Variants in NQO2 observed in about 807,000 individuals in gnomAD.
NQO2 encodes N-ribosyldihydronicotinamide:quinone dehydrogenase 2.
In NQO2, 18 loss-of-function variants were observed where a neutral mutation model predicts 22.0. The observed-to-expected ratio is 0.82, with a 90% CI of 0.56 to 1.21. NQO2 has a LOEUF of 1.21. NQO2 is among the 50% of genes most tolerant of loss of function. NQO2 has a pLI of 0.00. For synonymous variants in NQO2, 106 were observed against 110.8 expected, an observed-to-expected ratio of 0.96 and a Z score of 0.28; for missense variants, 267 against 286.9, an observed-to-expected ratio of 0.93 and a Z score of 0.50.
rs1197296937 is a variant in NQO2 at position 3,015,570 on chromosome 6, G to T, written c.344G>T (p.Gly115Val). The T allele has an allele frequency of 6.2e-7, 1 of 1,614,162 alleles. No homozygotes were observed. Among genetic ancestry groups the T allele is most frequent in the Admixed American group, 1.7e-5 (1 of 60,030 alleles). Residue 115 changes from glycine to valine, a missense_variant, in exon 5 of 7, where the codon GGC becomes GTC. Coordinates refer to ENST00000380455, the MANE Select transcript of NQO2 (RefSeq NM_000904.6). Reference sequence around the variant, plus strand: ...TTCAGCGTGCCAGCCATCCTGAAGGGCTGGATGGATAGGGTGCTGTGCCAG... The same window carrying T: ...TTCAGCGTGCCAGCCATCCTGAAGGTCTGGATGGATAGGGTGCTGTGCCAG... ...YWFSVPAILK[G>V]WMDRVLCQGF...
rs772744431 is a variant in NQO2, at chr6:3,006,465, C to T, written c.-85-3C>T. 95 of 1,604,924 alleles carry T rather than the reference C, an allele frequency of 5.9e-5. No individual in the cohort carries two copies. The highest frequency in any genetic ancestry group is 7.7e-5 in the Non-Finnish European group (91 of 1,176,222). On this transcript the variant is annotated splice_region_variant and splice_polypyrimidine_tract_variant and intron_variant, in intron 1 of 6. Coordinates refer to ENST00000380455, the MANE Select transcript of NQO2 (RefSeq NM_000904.6). This position sits in a 1 kb window ranked among gnomAD's most constrained non-coding sequence, Gnocchi z 4.0. ...CCCCCTCTGGGTTCGTTTTGTCTTC[C>T]AGATTGCTGGACTCGCTGAAGAGAG...
intron 6 of NQO2, among the ~76,000 whole-genome samples, chr6:3,019,109 T>C (rs899517668): frequency 2.0e-5 from 3 of 152,184 alleles, no homozygotes; most frequent in Non-Finnish European, 4.4e-5. Context: ...TGAACAAACT[T>C]CCATGGTATA....
intron 1 of NQO2, chr6:3,002,350 C>T (rs1008643126): frequency 1.6e-5 from 10 of 611,958 alleles, no homozygotes; most frequent in African/African-American, 4.0e-5. Flanking sequence ...GCTCTGTTGC[C>T]CAGGCTGGAG....
chr6:3,016,781 G>T lies in NQO2; in HGVS notation c.418-103G>T. 5 of 1,527,446 alleles carry T rather than the reference G, an allele frequency of 3.3e-6. No individual in the cohort carries two copies. The South Asian group carries it at 6.1e-5, about 19-fold the overall frequency. 94.6% of individuals were successfully genotyped at this position (1,527,446 alleles called of 1,614,324 possible). ...GTCCATCCCTGGAGGGTGTCCACAC[G>T]CATGTTCCCTGCTGGCTGTGCTGAG... is the stretch of plus-strand genomic sequence containing the variant. On this transcript the variant is annotated intron_variant, in intron 5 of 6. Transcript: ENST00000380455.
intron 3 of NQO2, among the ~76,000 whole-genome samples, chr6:3,011,953 A>G (rs1416622971): frequency 6.6e-6 from 1 of 152,260 alleles, no homozygotes; most frequent in African/African-American, 2.4e-5. Context: ...AAAGAAAAAC[A>G]CTAATGTGCA....
rs747351450 is a variant in NQO2, at chr6:3,012,649, G to A, written c.278G>A (p.Arg93Gln). The stretch of plus-strand genomic sequence containing the variant: ...ATCACTGATGAGCAGAAAAAGGTTC[G>A]GGAGGCTGACCTAGTGATATTTCAG... ...SDITDEQKKV[R>Q]EADLVIFQFP... is the part of the protein sequence containing the mutation. The change falls in exon 4 of 7, where the codon CGG becomes CAG. Residue 93 changes from arginine to glutamine, a missense_variant. Transcript: ENST00000380455. 31 of 1,613,736 alleles carry A rather than the reference G, an allele frequency of 1.9e-5. No homozygotes were observed. The highest frequency in any genetic ancestry group is 1.6e-4 in the Middle Eastern group (1 of 6,084).
At chr6:3,000,698 C>T (rs570290687) in intron 1 of NQO2, among the ~76,000 whole-genome samples, 1 of 151,926 alleles carries the variant, frequency 6.6e-6, no homozygotes, top group Non-Finnish European at 1.5e-5. Context: ...CGTGCCACCA[C>T]GCCTGGCTAA....
intron 1 of NQO2, chr6:3,004,499 C>T: frequency 1.0e-6 from 1 of 985,946 alleles, no homozygotes; most frequent in Non-Finnish European, 1.2e-6. Context: ...CCACAGGGCA[C>T]CTGGCCTGGG....
intron 4 of NQO2, chr6:3,015,112 A>AT: frequency 7.7e-7 from 1 of 1,294,522 alleles, no homozygotes; most frequent in Non-Finnish European, 1.0e-6. Context: ...AAATCCATAG[A>AT]TGCTCAGCAC....
Position 3,012,440 on chromosome 6 carries a change from T to C in NQO2, c.173-104T>C, listed in dbSNP as rs1366464851. ...TCTGGTCAGGTTGCAGCAAATGTCT[T>C]TGACTTGTCTGAGGAGTCCGGTATA... On this transcript the variant is annotated intron_variant, in intron 3 of 6. Transcript: ENST00000380455. 3.3e-6 allele frequency: 5 copies of C among 1,515,824 alleles called. No homozygotes were observed. In the African/African-American group the frequency reaches 5.6e-5, roughly 17 times the overall value. The allele number at this position is 1,515,824 out of a possible 1,614,324, so 93.9% of individuals were successfully genotyped here.
chr6:3,005,442 G>A (rs572954898), intron 1 of NQO2, among the ~76,000 whole-genome samples: 71 of 152,250 alleles, frequency 4.7e-4, no homozygotes, highest in Non-Finnish European at 8.8e-4. Context: ...ATTCTAATGC[G>A]TGTGATATGG....
chr6:3,006,600 G>C lies in NQO2; in HGVS notation c.7+41G>C. On this transcript the variant is annotated intron_variant, in intron 2 of 6. Transcript: ENST00000380455. The surrounding 1 kb of genome is among the most constrained non-coding windows in gnomAD (Gnocchi z 4.0). Reference sequence around the variant, plus strand: ...TGTGGAGTAAGACTTTTTTTTTTTTGAGATGGGATTTTGTTGTATTGCCCA... The same window carrying C: ...TGTGGAGTAAGACTTTTTTTTTTTTCAGATGGGATTTTGTTGTATTGCCCA... 1 of 1,513,154 alleles carries C rather than the reference G, an allele frequency of 6.6e-7. No individual in the cohort carries two copies. The highest frequency in any genetic ancestry group is 8.9e-7 in the Non-Finnish European group (1 of 1,121,860). The allele number at this position is 1,513,154 out of a possible 1,614,324, so 93.7% of individuals were successfully genotyped here.
intron 5 of NQO2, among the ~76,000 whole-genome samples, chr6:3,016,056 C>A (rs1392182993): frequency 6.6e-6 from 1 of 152,136 alleles, no homozygotes; most frequent in Non-Finnish European, 1.5e-5. Context: ...AAAGACCATG[C>A]GACACCCACG....
In NQO2 at chr6:3,006,301, C is replaced by G. The variant is rs1756947390; in HGVS notation, c.-85-167C>G. ...GTATGGGTTTTGACATCCTGCGTGG[C>G]TTGTCCTCTGAGGCCTAAATCTCCA... is the stretch of plus-strand genomic sequence containing the variant. On this transcript the variant is annotated intron_variant, in intron 1 of 6. Coordinates refer to ENST00000380455, the MANE Select transcript of NQO2 (RefSeq NM_000904.6). This position sits in a 1 kb window ranked among gnomAD's most constrained non-coding sequence, Gnocchi z 4.0. The G allele has an allele frequency of 1.6e-5, 16 of 983,640 alleles. No individual in the cohort carries two copies. Among genetic ancestry groups the G allele is most frequent in the Non-Finnish European group, 1.8e-5 (15 of 828,358 alleles). The allele number at this position is 983,640 out of a possible 1,614,324, so 60.9% of individuals were successfully genotyped here.
intron 3 of NQO2, among the ~76,000 whole-genome samples, 174 bp downstream of exon 3, chr6:3,010,363 A>G (rs370368260): frequency 4.9e-4 from 75 of 152,086 alleles, no homozygotes; most frequent in African/African-American, 1.8e-3. Flanking sequence ...GTCAAATATG[A>G]AGATGAAATA....
chr6:3,017,053 TGCATACACAC>T (rs1757354179), intron 6 of NQO2, 68 bp downstream of exon 6: 3 of 1,552,598 alleles, frequency 1.9e-6, no homozygotes, highest in Admixed American at 3.7e-5. Context: ...CATGCACACA[TGCATACACAC>T]ACACACGCAC....
At chr6:3,018,723 G>A (rs1757425318) in intron 6 of NQO2, among the ~76,000 whole-genome samples, 1 of 152,108 alleles carries the variant, frequency 6.6e-6, no homozygotes, top group African/African-American at 2.4e-5. Context: ...GTTACTGATA[G>A]TCTACTGAAG....
intron 5 of NQO2, among the ~76,000 whole-genome samples, chr6:3,016,399 C>T (rs1757327945): frequency 7.1e-6 from 1 of 140,626 alleles, no homozygotes; most frequent in Non-Finnish European, 1.5e-5. Context: ...CCATTGCATT[C>T]CAGCCTGGGT....
In NQO2 at chr6:3,015,493, C is replaced by T. The variant is rs146751537; in HGVS notation, c.304-37C>T. 1,742 of 1,606,090 alleles carry T rather than the reference C, an allele frequency of 1.1e-3. 18 individuals are homozygous for T. The African/African-American group carries it at 0.017, about 15-fold the overall frequency. ...CTAAACTAGGAAACCTGAGGCGAGC[C>T]GCAGCCTCAGTTTCTCTTTGGTGTT... On this transcript the variant is annotated intron_variant, in intron 4 of 6. Coordinates refer to ENST00000380455, the MANE Select transcript of NQO2 (RefSeq NM_000904.6).
Sources: gnomAD v4.1 joint callset for allele counts (sites outside exome capture counted in the v4.1 genomes callset) on GRCh38, gnomAD v4.1.1 for gene constraint, Gnocchi (gnomAD v3.1) non-coding constraint, MANE v1.5 for transcripts, NCBI Gene and HGNC (gene_info 2026-07-23, HGNC 2026-07-21) for gene names.